Variants in PRKN observed in about 807,000 individuals in gnomAD.
PRKN encodes parkin RBR E3 ubiquitin protein ligase.
Under a neutral mutation model 59.5 loss-of-function variants are expected in PRKN, and 56 were observed. The ratio of observed to expected loss-of-function variants is 0.94; its 90% CI spans 0.76 to 1.18. The LOEUF is 1.18. Ranked by LOEUF, PRKN falls within the 50% of genes most tolerant of loss-of-function variation. PRKN has a pLI of 0.00. For missense variants in PRKN, 657 were observed against 596.4 expected (o/e 1.10, Z -1.06); for synonymous variants, 250 against 222.1 (o/e 1.13, Z -1.12).
chr6:161,900,091 AC>A (rs1423910526), intron 6 of PRKN, among the ~76,000 whole-genome samples: 1 of 151,138 alleles, frequency 6.6e-6, no homozygotes, highest in Non-Finnish European at 1.5e-5. Context: ...AGCCTAGGTG[AC>A]AGAGTGAGAT....
chr6:162,567,293 T>C (rs1167111115), intron 1 of PRKN, among the ~76,000 whole-genome samples: 1 of 152,088 alleles, frequency 6.6e-6, no homozygotes, highest in Non-Finnish European at 1.5e-5. Context: ...GAGAAAGAAA[T>C]AAAAGGCATC....
intron 6 of PRKN, among the ~76,000 whole-genome samples, chr6:161,945,185 A>G (rs1209385345): frequency 6.6e-6 from 1 of 152,162 alleles, no homozygotes; most frequent in African/African-American, 2.4e-5. Context: ...GAAGTTTTTC[A>G]AAATAAGCAT....
chr6:162,369,672 C>T (rs1785640422), intron 2 of PRKN, among the ~76,000 whole-genome samples: 1 of 152,172 alleles, frequency 6.6e-6, no homozygotes, highest in Non-Finnish European at 1.5e-5. Flanking sequence ...TTCAGCTCTT[C>T]ATCCTCCCCA....
chr6:161,777,478 C>T (rs912830759), intron 7 of PRKN, among the ~76,000 whole-genome samples: 1 of 151,406 alleles, frequency 6.6e-6, no homozygotes, highest in Non-Finnish European at 1.5e-5. Context: ...GAAAGAGACA[C>T]AAAAAACTAG....
chr6:162,255,241 G>A (rs1362842693), intron 3 of PRKN, among the ~76,000 whole-genome samples: 1 of 152,080 alleles, frequency 6.6e-6, no homozygotes, highest in Non-Finnish European at 1.5e-5. Flanking sequence ...GTAAACCTAG[G>A]TAGTATTTTA....
At chr6:162,068,462 C>T (rs73032208) in intron 4 of PRKN, among the ~76,000 whole-genome samples, 39 of 152,296 alleles carry the variant, frequency 2.6e-4, no homozygotes, top group Admixed American at 8.5e-4. Context: ...GTCAAGATGT[C>T]GGCTGGGCTG....
intron 2 of PRKN, among the ~76,000 whole-genome samples, chr6:162,340,470 T>C (rs1405034739): frequency 2.6e-5 from 4 of 152,220 alleles, no homozygotes; most frequent in Non-Finnish European, 5.9e-5. Flanking sequence ...AACTGGCAGA[T>C]ATCTAATAGA....
intron 5 of PRKN, among the ~76,000 whole-genome samples, chr6:162,011,227 T>TG (rs2128270060): frequency 1.0e-5 from 1 of 97,882 alleles, no homozygotes; most frequent in South Asian, 3.2e-4. Flanking sequence ...TATATATTTA[T>TG]AATATATAAT....
intron 4 of PRKN, among the ~76,000 whole-genome samples, chr6:162,088,995 G>A (rs1779365330): frequency 6.6e-6 from 1 of 152,158 alleles, no homozygotes; most frequent in Admixed American, 6.5e-5. Flanking sequence ...GTGACCTTGG[G>A]TTTGGAAAAG....
intron 7 of PRKN, among the ~76,000 whole-genome samples, chr6:161,736,027 G>T (rs576525970): frequency 6.6e-6 from 1 of 152,294 alleles, no homozygotes; most frequent in African/African-American, 2.4e-5. Context: ...TACCTGCTAT[G>T]TATAACACAG....
rs754447751 is a variant in PRKN at position 161,550,996 on chromosome 6, C to T, written c.934-1993G>A. Among the ~76,000 whole-genome samples the T allele has an allele frequency of 2.4e-4, 37 of 152,162 alleles. No homozygotes were observed. Among genetic ancestry groups the T allele is most frequent in the East Asian group, 1.9e-3 (10 of 5,172 alleles). ...AAAGATGACCTGGCCTCCTTGTAAA[C>T]GTGTGAATGGCATACACATACAGCA... On this transcript the variant is annotated intron_variant, in intron 8 of 11. Transcript: ENST00000366898. This position sits in a 1 kb window ranked among gnomAD's most constrained non-coding sequence, Gnocchi z 4.0.
Position 161,412,004 on chromosome 6 carries a change from T to TTCCTCCCTCACTCAC in PRKN, c.1084-25128_1084-25127insGTGAGTGAGGGAGGA, listed in dbSNP as rs1681782852. On this transcript the variant is annotated intron_variant, in intron 9 of 11. Coordinates refer to ENST00000366898, the MANE Select transcript of PRKN (RefSeq NM_004562.3). The stretch of plus-strand genomic sequence containing the variant: ...TCCTCATTCATTCCTTCCTCACTCA[T>TTCCTCCCTCACTCAC]TCCTCCACTCATTCATTCACTCATT... 4.1e-5 allele frequency among the ~76,000 whole-genome samples: 6 copies of TTCCTCCCTCACTCAC among 145,364 alleles called. No individual in the cohort carries two copies. The South Asian group carries it at 1.2e-3, about 28-fold the overall frequency.
chr6:162,187,798 G>A (rs1784093483), intron 4 of PRKN, among the ~76,000 whole-genome samples: 1 of 152,108 alleles, frequency 6.6e-6, no homozygotes. Flanking sequence ...TCCTTTAGAG[G>A]AGACAAAAGA....
chr6:162,226,828 GC>G (rs1778200051), intron 3 of PRKN, among the ~76,000 whole-genome samples: 1 of 152,190 alleles, frequency 6.6e-6, no homozygotes, highest in African/African-American at 2.4e-5. Context: ...GAATTCCTAG[GC>G]ATGGGCAGCT....
intron 7 of PRKN, among the ~76,000 whole-genome samples, chr6:161,608,542 T>TC (rs1240731926): frequency 6.6e-6 from 1 of 152,050 alleles, no homozygotes; most frequent in African/African-American, 2.4e-5. Flanking sequence ...TATTTAATTT[T>TC]TTTTTTTTTA....
intron 1 of PRKN, among the ~76,000 whole-genome samples, chr6:162,553,732 G>A (rs1454324835): frequency 7.1e-6 from 1 of 141,536 alleles, no homozygotes; most frequent in Non-Finnish European, 1.5e-5. Flanking sequence ...GAACTTGGAG[G>A]CGGAGGTTGC....
intron 4 of PRKN, among the ~76,000 whole-genome samples, chr6:162,189,121 C>G (rs190581360): frequency 2.0e-5 from 3 of 151,410 alleles, no homozygotes; most frequent in Admixed American, 6.6e-5. Flanking sequence ...AAGTTGATTC[C>G]TATTCTAATT....
intron 10 of PRKN, among the ~76,000 whole-genome samples, chr6:161,381,315 G>A (rs900284229): frequency 6.6e-5 from 10 of 152,126 alleles, no homozygotes; most frequent in African/African-American, 2.4e-4. Flanking sequence ...GTGCTGGCTG[G>A]TGCAGCTCCC....
chr6:162,712,270 A>C (rs946165428), intron 1 of PRKN, among the ~76,000 whole-genome samples: 1 of 152,168 alleles, frequency 6.6e-6, no homozygotes, highest in African/African-American at 2.4e-5. Flanking sequence ...GCCATTTCTC[A>C]AGACTGCATT....
Sources: allele counts gnomAD v4.1 joint callset (sites outside exome capture counted in the v4.1 genomes callset), GRCh38; gene constraint gnomAD v4.1.1; non-coding constraint Gnocchi (gnomAD v3.1); transcripts MANE v1.5; gene names NCBI Gene and HGNC (gene_info 2026-07-23, HGNC 2026-07-21).